The following CHD2 variants were observed in gnomAD, a reference collection of about 807,000 sequenced individuals.
CHD2 encodes the protein ATP-dependent chromatin remodeler CHD2.
A neutral mutation model predicts 243.9 loss-of-function variants in CHD2; 28 were observed. That is an observed-to-expected ratio of 0.11 (90% CI 0.09 to 0.16). The LOEUF is 0.16. Among genes scored for constraint, CHD2 ranks in the 10% least tolerant of loss-of-function variants. The pLI is 1.00. For synonymous variants in CHD2, 775 were observed against 779.0 expected (o/e 0.99, Z 0.09); for missense variants, 1,386 against 2,209.8 (o/e 0.63, Z 7.47).
At chr15:92,940,274 C>A (rs549543850) in intron 7 of CHD2, among the ~76,000 whole-genome samples, 1 of 152,006 alleles carries the variant, frequency 6.6e-6, no homozygotes, top group African/African-American at 2.4e-5. Flanking sequence ...GACAACAGGG[C>A]GAGACCCTGT....
chr15:92,941,485 T>C (rs1334671467), intron 7 of CHD2, among the ~76,000 whole-genome samples: 9 of 152,150 alleles, frequency 5.9e-5, no homozygotes, highest in Admixed American at 5.9e-4. Flanking sequence ...TTTCTTTTTT[T>C]GTGTGGTAGT....
At chr15:92,981,732 G>A (rs572173353) in intron 24 of CHD2, among the ~76,000 whole-genome samples, 5 of 152,340 alleles carry the variant, frequency 3.3e-5, no homozygotes, top group African/African-American at 1.2e-4. Flanking sequence ...CCAGGACAGA[G>A]TGTAGAACCA....
intron 36 of CHD2, among the ~76,000 whole-genome samples, chr15:93,013,896 C>T (rs2054423750): frequency 8.5e-6 from 1 of 117,032 alleles, no homozygotes; most frequent in African/African-American, 3.3e-5. Flanking sequence ...GATGGCATCA[C>T]TGAATGCCTG....
Position 92,956,587 on chromosome 15 carries a change from G to T in CHD2, c.1938G>T (p.Gly646=), listed in dbSNP as rs985145180. ...CCAACCATAGGCTCCTGATTACGGG[G>T]ACCCCTCTTCAGAATTCCCTCAAAG... ...FKSNHRLLIT[G]TPLQNSLKEL... Residue 646 remains glycine, a synonymous_variant, in exon 16 of 39, where the codon GGG becomes GGT. Transcript: ENST00000394196. The T allele has an allele frequency of 6.2e-7, 1 of 1,613,986 alleles. No homozygotes were observed. Among genetic ancestry groups the T allele is most frequent in the Non-Finnish European group, 8.5e-7 (1 of 1,179,920 alleles).
At chr15:92,982,816 G>A (rs899671892) in intron 24 of CHD2, among the ~76,000 whole-genome samples, 1 of 152,172 alleles carries the variant, frequency 6.6e-6, no homozygotes, top group Non-Finnish European at 1.5e-5. Context: ...AGATTAATGG[G>A]TTAGGATGCA....
Position 92,978,421 on chromosome 15 carries a change from T to G in CHD2, c.2727+38T>G, listed in dbSNP as rs11074122. On this transcript the variant is annotated intron_variant, in intron 21 of 38. Transcript: ENST00000394196. Reference sequence around the variant, plus strand: ...AGGCTTCTGGAAATTGCTTTAGGGTTGGGGGCCAGGGGGCTTGTTCAGCCC... The same window carrying G: ...AGGCTTCTGGAAATTGCTTTAGGGTGGGGGGCCAGGGGGCTTGTTCAGCCC... The G allele has an allele frequency of 0.83, 1,324,387 of 1,592,120 alleles. 555,440 individuals are homozygous for G. Among genetic ancestry groups the G allele is most frequent in the East Asian group, 1 (44,303 of 44,410 alleles).
At chr15:92,937,374 A>G in intron 5 of CHD2, 144 bp from the exon 6 acceptor site, 1 of 592,058 alleles carries the variant, frequency 1.7e-6, no homozygotes, top group East Asian at 2.8e-5. Flanking sequence ...ATTCAAGTTT[A>G]AATGGAGCTA....
chr15:92,974,813 T>C, intron 19 of CHD2, 66 bp from the exon 20 acceptor site: 1 of 1,446,662 alleles, frequency 6.9e-7, no homozygotes, highest in Non-Finnish European at 9.7e-7. Flanking sequence ...GTTCCAAGTC[T>C]GCTGTTCTAT....
rs779978728 is a variant in CHD2, at chr15:92,946,074, A to G, written c.1235A>G (p.Glu412Gly). The G allele has an allele frequency of 6.2e-7, 1 of 1,605,174 alleles. No individual in the cohort carries two copies. Among genetic ancestry groups the G allele is most frequent in the Non-Finnish European group, 8.5e-7 (1 of 1,174,804 alleles). Reference protein sequence around the residue: ...SRKPAPSNEPEYLCKWMGLPY... With the variant: ...SRKPAPSNEPGYLCKWMGLPY... ...AAGCCGGCACCCTCAAATGAGCCCG[A>G]ATATCTATGTAAATGGATGGGACTC... The change falls in exon 12 of 39, where the codon GAA (glutamate) becomes GGA (glycine). Residue 412 changes from glutamate (E) to glycine (G), a missense_variant. By Grantham distance (98) the Glu-to-Gly change is moderately conservative (BLOSUM62 -2). Transcript: ENST00000394196.
At chr15:92,932,571 G>T (rs1207176773) in intron 5 of CHD2, among the ~76,000 whole-genome samples, 1 of 151,670 alleles carries the variant, frequency 6.6e-6, no homozygotes, top group Non-Finnish European at 1.5e-5. Flanking sequence ...GCGATAGTTT[G>T]CTCAGAATGA....
At chr15:92,919,938 A>G (rs1227475456) in intron 2 of CHD2, among the ~76,000 whole-genome samples, 1 of 152,060 alleles carries the variant, frequency 6.6e-6, no homozygotes, top group Non-Finnish European at 1.5e-5. Context: ...GCCTCCCTCA[A>G]CCCCTAAAGG....
intron 2 of CHD2, among the ~76,000 whole-genome samples, chr15:92,907,300 A>G (rs1311678885): frequency 6.6e-6 from 1 of 152,156 alleles, no homozygotes; most frequent in South Asian, 2.1e-4. Flanking sequence ...ATGTTTGGTT[A>G]TGGGTCTTCT....
intron 15 of CHD2, 31 bp from the exon 16 acceptor site, chr15:92,956,428 G>C (rs768334759): frequency 1.4e-5 from 22 of 1,581,338 alleles, no homozygotes; most frequent in South Asian, 1.2e-4. Flanking sequence ...CTTCTGACCT[G>C]GTGGCTCGTT....
intron 24 of CHD2, 91 bp downstream of exon 24, chr15:92,981,548 G>C: frequency 1.1e-6 from 1 of 943,924 alleles, no homozygotes; most frequent in Non-Finnish European, 1.6e-6. Context: ...TAGGCGCTCT[G>C]CTTTTCTCTT....
chr15:92,936,327 T>C (rs1394996346), intron 5 of CHD2, among the ~76,000 whole-genome samples: 1 of 152,228 alleles, frequency 6.6e-6, no homozygotes, highest in Non-Finnish European at 1.5e-5. Context: ...CCTCATTCCC[T>C]ATAAAGTGAC....
At chr15:92,948,413 G>T (rs1445474974) in intron 12 of CHD2, among the ~76,000 whole-genome samples, 1 of 152,156 alleles carries the variant, frequency 6.6e-6, no homozygotes, top group African/African-American at 2.4e-5. Context: ...GATGTTCATA[G>T]ATTTATTTCA....
At chr15:92,957,102 T>C (rs1181938881) in intron 16 of CHD2, among the ~76,000 whole-genome samples, 1 of 152,210 alleles carries the variant, frequency 6.6e-6, no homozygotes, top group East Asian at 1.9e-4. Context: ...ATGGGAGAGA[T>C]GATATGCACA....
chr15:92,942,615 A>T (rs2053401496), intron 8 of CHD2, among the ~76,000 whole-genome samples: 1 of 149,872 alleles, frequency 6.7e-6, no homozygotes, highest in South Asian at 2.2e-4. Flanking sequence ...GATTTCTTTG[A>T]TTTCACCTGC....
intron 5 of CHD2, among the ~76,000 whole-genome samples, chr15:92,930,097 C>T (rs1489271870): frequency 2.0e-5 from 3 of 152,168 alleles, no homozygotes; most frequent in African/African-American, 7.2e-5. Flanking sequence ...TGTAAGCAAA[C>T]CTGCACTTGG....
Sources: gnomAD v4.1 joint callset for allele counts (sites outside exome capture counted in the v4.1 genomes callset) on GRCh38, gnomAD v4.1.1 for gene constraint, MANE v1.5 for transcripts, NCBI Gene and HGNC (gene_info 2026-07-23, HGNC 2026-07-21) for gene names.